EML2: variants seen among roughly 807,000 people sequenced by gnomAD.
EML2 encodes the protein EMAP like 2.
A neutral mutation model predicts 84.7 loss-of-function variants in EML2; 59 were observed. The ratio of observed to expected loss-of-function variants is 0.70; its 90% CI spans 0.56 to 0.86. EML2 has a LOEUF of 0.86. Among genes scored for constraint, EML2 ranks in the 40% least tolerant of loss-of-function variants. The probability of loss-of-function intolerance (pLI) is 0.00; values close to 1 mark genes in which losing one functional copy is unlikely to be tolerated. For synonymous variants in EML2, 352 were observed against 348.9 expected, an observed-to-expected ratio of 1.01 and a Z score of -0.10; for missense variants, 818 against 855.6, an observed-to-expected ratio of 0.96 and a Z score of 0.55.
rs538171948 is a variant in EML2 at position 45,621,043 on chromosome 19, T to C, written c.1122+164A>G. 5 of 1,074,718 alleles carry C rather than the reference T, an allele frequency of 4.7e-6. No individual in the cohort carries two copies. In the African/African-American group the frequency reaches 6.3e-5, roughly 13 times the overall value. 66.6% of individuals were successfully genotyped at this position (1,074,718 alleles called of 1,614,324 possible). A position where few individuals can be genotyped will look rare whatever the true frequency, so the allele number is the denominator to read the frequency against. ...TCTGCTGTGCTTGGAGTTAAACTCT[T>C]GGTTGCTGGATCCTGGGAAGGGGTC... is the stretch of plus-strand genomic sequence containing the variant. On this transcript the variant is annotated intron_variant, in intron 11 of 18. Coordinates refer to ENST00000245925, the MANE Select transcript of EML2 (RefSeq NM_012155.4).
chr19:45,618,192 T>C (rs1371142457), intron 12 of EML2, among the ~76,000 whole-genome samples: 1 of 151,794 alleles, frequency 6.6e-6, no homozygotes, highest in African/African-American at 2.4e-5. Context: ...GCCTCCCAAG[T>C]AGCTGACATT....
intron 4 of EML2, among the ~76,000 whole-genome samples, chr19:45,633,611 C>T (rs1407897317): frequency 1.3e-5 from 2 of 152,194 alleles, no homozygotes; most frequent in Middle Eastern, 3.4e-3. Flanking sequence ...TGGTGGCGGG[C>T]ACCTGTAGTT....
At chr19:45,639,238 G>C (rs1253487138) in intron 1 of EML2, 119 bp downstream of exon 1, 1 of 1,089,084 alleles carries the variant, frequency 9.2e-7, no homozygotes, top group Non-Finnish European at 1.3e-6. Flanking sequence ...AACGGGGAGA[G>C]TTTAAGGGAA....
chr19:45,615,362 A>G (rs1158118467), intron 16 of EML2, among the ~76,000 whole-genome samples: 2 of 146,492 alleles, frequency 1.4e-5, no homozygotes, highest in Non-Finnish European at 3.0e-5. Context: ...AAATACAAAT[A>G]CAAATATTAG....
chr19:45,645,483 G>A (rs901720280), upstream of EML2: 3 of 1,405,894 alleles, frequency 2.1e-6, no homozygotes, highest in African/African-American at 3.1e-5. Context: ...GGCCGGCGCC[G>A]GGCCCGGCGC....
intron 3 of EML2, among the ~76,000 whole-genome samples, chr19:45,638,051 A>G (rs1359065871): frequency 1.3e-5 from 2 of 152,116 alleles, no homozygotes; most frequent in Non-Finnish European, 2.9e-5. Flanking sequence ...GGTTCAAGTG[A>G]TCCACCCACC....
At chr19:45,628,802 G>A (rs1358594694) in intron 7 of EML2, 2 of 151,752 alleles carry the variant, frequency 1.3e-5, no homozygotes. Flanking sequence ...CAGCCTAGGT[G>A]ACAAGAACGA....
intron 14 of EML2, 69 bp downstream of exon 14, chr19:45,616,696 C>T (rs1971121008): frequency 4.7e-6 from 7 of 1,481,192 alleles, no homozygotes; most frequent in South Asian, 2.3e-5. Context: ...TCCACCCCTC[C>T]CCCTGCCAAG....
chr19:45,613,424 G>T, intron 18 of EML2, 117 bp downstream of exon 18: 21 of 1,301,530 alleles, frequency 1.6e-5, no homozygotes, highest in Non-Finnish European at 2.2e-5. Context: ...TGTCCTCCTT[G>T]TACAGATGGG....
chr19:45,643,533 A>T, upstream of EML2: 1 of 1,529,378 alleles, frequency 6.5e-7, no homozygotes, highest in Non-Finnish European at 8.7e-7. Flanking sequence ...GGAGGGGCGG[A>T]GACCGAAGTG....
chr19:45,615,894 G>T lies in EML2; in HGVS notation c.1510-5C>A. The T allele has an allele frequency of 1.9e-6, 3 of 1,612,654 alleles. No individual in the cohort carries two copies. Among genetic ancestry groups the T allele is most frequent in the Non-Finnish European group, 2.5e-6 (3 of 1,178,844 alleles). On this transcript the variant is annotated splice_region_variant and splice_polypyrimidine_tract_variant and intron_variant, in intron 15 of 18. Transcript: ENST00000245925. ...GGTGATAAAACTGGAATGGCCCTGC[G>T]GGGGAGGGAAGGGATGGTGTTAGAG...
chr19:45,616,412 AC>A lies in EML2; in HGVS notation c.1509+48del, dbSNP rs1346164944. The A allele has an allele frequency of 9.8e-6, 14 of 1,430,672 alleles. 1 individual carries two copies. The South Asian group carries it at 1.7e-4, about 18-fold the overall frequency. The allele number at this position is 1,430,672 out of a possible 1,614,324, so 88.6% of individuals were successfully genotyped here. A position where few individuals can be genotyped will look rare whatever the true frequency, so the allele number is the denominator to read the frequency against. On this transcript the variant is annotated intron_variant, in intron 15 of 18. Transcript: ENST00000245925. ...GAGGTAGAAAATTGGTTAATTTTGCACCCCCTGGGCGGGGTGGCGGCGCGGG... is the reference window on the plus strand; with the variant it reads ...GAGGTAGAAAATTGGTTAATTTTGCACCCCTGGGCGGGGTGGCGGCGCGGG...
chr19:45,628,089 G>A (rs1972579644), intron 7 of EML2, among the ~76,000 whole-genome samples: 1 of 150,942 alleles, frequency 6.6e-6, no homozygotes, highest in Admixed American at 6.6e-5. Context: ...GGCTCAGAGA[G>A]GGCCGGGTGT....
upstream of EML2, chr19:45,645,056 A>C: frequency 3.3e-6 from 2 of 603,672 alleles, no homozygotes; most frequent in Non-Finnish European, 2.9e-6. Flanking sequence ...CCGTCTAGCC[A>C]CCTCGGGAGT....
At position 45,614,344 on chromosome 19, in the gene EML2, C is replaced by A. The variant is rs369578733; in HGVS notation, c.1693+261G>T. ...TCAGGGAATATGTGTTTGCTTCATTCGTGCCTGAATGAATGGGTGGCTAGG... is the reference window on the plus strand; with the variant it reads ...TCAGGGAATATGTGTTTGCTTCATTAGTGCCTGAATGAATGGGTGGCTAGG... On this transcript the variant is annotated intron_variant, in intron 17 of 18. Coordinates refer to ENST00000245925, the MANE Select transcript of EML2 (RefSeq NM_012155.4). Among the ~76,000 whole-genome samples the A allele has an allele frequency of 3.0e-4, 46 of 152,332 alleles. 1 individual carries two copies. The East Asian group carries it at 6.2e-3, about 20-fold the overall frequency.
chr19:45,615,585 C>G (rs1165370887), intron 16 of EML2, among the ~76,000 whole-genome samples: 1 of 150,554 alleles, frequency 6.6e-6, no homozygotes, highest in African/African-American at 2.4e-5. Context: ...AAAAAGAAAC[C>G]TGCATCCTAC....
At chr19:45,615,460 G>A (rs1970926577) in intron 16 of EML2, among the ~76,000 whole-genome samples, 1 of 151,150 alleles carries the variant, frequency 6.6e-6, no homozygotes, top group Non-Finnish European at 1.5e-5. Flanking sequence ...GGAGCTTGCA[G>A]TGAGCCGAGA....
chr19:45,624,576 C>T (rs993343792), intron 9 of EML2, 143 bp downstream of exon 9: 1 of 643,290 alleles, frequency 1.6e-6, no homozygotes, highest in Non-Finnish European at 2.8e-6. Flanking sequence ...GATAGGGATA[C>T]TTGAGCTGAA....
chr19:45,616,866 G>A lies in EML2; in HGVS notation c.1323-13C>T. On this transcript the variant is annotated splice_polypyrimidine_tract_variant and intron_variant, in intron 13 of 18. Transcript: ENST00000245925. ...CAGCAGCAGCCATCTTGAAGGAGAG[G>A]GCGTGGTGGGGGGAGGAGGGGTGAG... The A allele has an allele frequency of 1.2e-6, 2 of 1,602,940 alleles. No individual in the cohort carries two copies. Among genetic ancestry groups the A allele is most frequent in the Non-Finnish European group, 1.7e-6 (2 of 1,171,750 alleles).
Sources: allele counts gnomAD v4.1 joint callset (sites outside exome capture counted in the v4.1 genomes callset), GRCh38; gene constraint gnomAD v4.1.1; transcripts MANE v1.5; gene names NCBI Gene and HGNC (gene_info 2026-07-23, HGNC 2026-07-21).